Variants in CTBP2 observed in about 807,000 individuals in gnomAD.
CTBP2 encodes C-terminal binding protein 2.
In CTBP2, 30 loss-of-function variants were observed where a neutral mutation model predicts 80.3. That is an observed-to-expected ratio of 0.37 (90% CI 0.28 to 0.51). The LOEUF is 0.51. Among genes scored for constraint, CTBP2 ranks in the 20% least tolerant of loss-of-function variants. CTBP2 has a pLI of 0.93. For missense variants in CTBP2, 1,212 were observed against 1,375.3 expected (o/e 0.88, Z 1.88); for synonymous variants, 594 against 587.4 (o/e 1.01, Z -0.16).
chr10:125,035,397 C>T (rs1050174799), intron 3 of CTBP2, among the ~76,000 whole-genome samples: 2 of 152,204 alleles, frequency 1.3e-5, no homozygotes, highest in African/African-American at 4.8e-5. Flanking sequence ...CTCCCTGAGT[C>T]ATGTTACAAG....
At chr10:125,145,416 G>A (rs1858582527) in intron 1 of CTBP2, among the ~76,000 whole-genome samples, 1 of 152,116 alleles carries the variant, frequency 6.6e-6, no homozygotes, top group Admixed American at 6.5e-5. Context: ...CCTCTCTGGG[G>A]ACTGACTGAG....
At chr10:125,041,698 T>C (rs1959878930) in intron 2 of CTBP2, among the ~76,000 whole-genome samples, 1 of 152,194 alleles carries the variant, frequency 6.6e-6, no homozygotes, top group African/African-American at 2.4e-5. Context: ...CAGTTAATTT[T>C]TGTGAAGACC....
At chr10:125,158,712 G>A (rs1425251657) in intron 1 of CTBP2, 1 of 151,552 alleles carries the variant, frequency 6.6e-6, no homozygotes, top group African/African-American at 2.4e-5. Flanking sequence ...GCAGAGCGGG[G>A]ATTTCTACGA....
At chr10:125,043,419 C>T (rs1265959184) in intron 2 of CTBP2, among the ~76,000 whole-genome samples, 3 of 152,136 alleles carry the variant, frequency 2.0e-5, no homozygotes, top group South Asian at 2.1e-4. Context: ...TAGACCCTCT[C>T]GATTTCTTTT....
intron 2 of CTBP2, among the ~76,000 whole-genome samples, chr10:125,046,409 A>G (rs1402711887): frequency 6.6e-6 from 1 of 151,938 alleles, no homozygotes; most frequent in Non-Finnish European, 1.5e-5. Context: ...ATGGTGGTGC[A>G]CGCCTGTAAT....
intron 1 of CTBP2, chr10:125,006,080 T>A: frequency 8.4e-7 from 1 of 1,194,640 alleles, no homozygotes; most frequent in Non-Finnish European, 1.1e-6. Flanking sequence ...CCAGGTTGCC[T>A]AGCGATCGGC....
chr10:124,986,289 G>GCACACACACACACACACACA lies in CTBP2; in HGVS notation c.*3228_*3229insTGTGTGTGTGTGTGTGTGTG, dbSNP rs1348841236. 1.8e-4 allele frequency: 19 copies of GCACACACACACACACACACA among 108,358 alleles called. No homozygotes were observed. Among genetic ancestry groups the GCACACACACACACACACACA allele is most frequent in the African/African-American group, 6.5e-4 (18 of 27,546 alleles). The allele number at this position is 108,358 out of a possible 1,614,324, so 6.7% of individuals were successfully genotyped here. ...AAAGACGACACACGCACGCGCGCGC[G>GCACACACACACACACACACA]CGCACACACACACACACACACACAC... is the stretch of plus-strand genomic sequence containing the variant. On this transcript the variant is annotated 3_prime_UTR_variant, in exon 9 of 9. Coordinates refer to ENST00000309035, the MANE Select transcript of CTBP2 (RefSeq NM_022802.3).
At chr10:125,071,647 A>G (rs1384977374) in intron 2 of CTBP2, among the ~76,000 whole-genome samples, 2 of 152,198 alleles carry the variant, frequency 1.3e-5, no homozygotes. Flanking sequence ...GGTTTTGAAG[A>G]GCTTTTTTAG....
At chr10:125,103,148 T>C (rs1850901755) in intron 2 of CTBP2, among the ~76,000 whole-genome samples, 1 of 152,116 alleles carries the variant, frequency 6.6e-6, no homozygotes, top group African/African-American at 2.4e-5. Context: ...ACATGCTGGG[T>C]TGCCTTCTGT....
Position 125,000,838 on chromosome 10 carries a change from T to G in CTBP2, c.1978+2122A>C, listed in dbSNP as rs548152405. 2.0e-5 allele frequency: 3 copies of G among 152,394 alleles called. No homozygotes were observed. The East Asian group carries it at 5.8e-4, about 29-fold the overall frequency. 9.4% of individuals were successfully genotyped at this position (152,394 alleles called of 1,614,324 possible). ...CAGCACAAAAGGCCCGTTGACCGCATGATGTGGGGAATATGCATTCGGAGA... is the reference window on the plus strand; with the variant it reads ...CAGCACAAAAGGCCCGTTGACCGCAGGATGTGGGGAATATGCATTCGGAGA... On this transcript the variant is annotated intron_variant, in intron 3 of 8. Coordinates refer to ENST00000309035, the MANE Select transcript of CTBP2 (RefSeq NM_022802.3).
At chr10:125,011,146 C>G (rs1055147321) in intron 1 of CTBP2, among the ~76,000 whole-genome samples, 5 of 152,242 alleles carry the variant, frequency 3.3e-5, no homozygotes, top group Non-Finnish European at 7.3e-5. Context: ...GGGTGCCCCA[C>G]ACCAAGTGGG....
chr10:125,050,420 A>C (rs1204291026), intron 2 of CTBP2, among the ~76,000 whole-genome samples: 1 of 152,212 alleles, frequency 6.6e-6, no homozygotes, highest in Admixed American at 6.5e-5. Context: ...GCAGCTATTC[A>C]TTTTGCTTAA....
At chr10:125,076,502 C>T (rs1053515572) in intron 2 of CTBP2, among the ~76,000 whole-genome samples, 1 of 152,324 alleles carries the variant, frequency 6.6e-6, no homozygotes, top group South Asian at 2.1e-4. Context: ...CCCAGGAACT[C>T]GGCCACCTCC....
chr10:124,992,160 C>T (rs1344421055), intron 8 of CTBP2, among the ~76,000 whole-genome samples: 1 of 146,202 alleles, frequency 6.8e-6, no homozygotes, highest in Non-Finnish European at 1.5e-5. Flanking sequence ...GCTCACAGGC[C>T]TTTGCACTTG....
intron 2 of CTBP2, among the ~76,000 whole-genome samples, chr10:125,081,397 C>T (rs1847148932): frequency 6.6e-6 from 1 of 152,168 alleles, no homozygotes; most frequent in East Asian, 1.9e-4. Flanking sequence ...ATTTCCTGAC[C>T]TTGATACTTG....
At chr10:125,040,577 T>G (rs1340581471) in intron 2 of CTBP2, among the ~76,000 whole-genome samples, 1 of 143,986 alleles carries the variant, frequency 6.9e-6, no homozygotes, top group Non-Finnish European at 1.5e-5. Context: ...AGTCTTATTT[T>G]AAGACCACCA....
intron 2 of CTBP2, among the ~76,000 whole-genome samples, chr10:125,075,020 C>G (rs1049169936): frequency 6.6e-6 from 1 of 152,136 alleles, no homozygotes; most frequent in Non-Finnish European, 1.5e-5. Flanking sequence ...TAAAGTAAAC[C>G]AAACTTTTAA....
At chr10:125,053,183 AG>A (rs1963177635) in intron 2 of CTBP2, among the ~76,000 whole-genome samples, 1 of 152,192 alleles carries the variant, frequency 6.6e-6, no homozygotes. Flanking sequence ...CCCTCAGGGC[AG>A]GTGCAGCATT....
Position 125,069,946 on chromosome 10 carries a change from G to T in CTBP2, c.-101-30791C>A, listed in dbSNP as rs57698520. On this transcript the variant is annotated intron_variant, in intron 2 of 10. Coordinates refer to the CTBP2 transcript ENST00000337195. ...ATAGAAAGATAAAAAGTTACCCTAA[G>T]TAACTACAGACTTTGGATAACAATG... Among the ~76,000 whole-genome samples, 632 of 122,094 alleles carry T rather than the reference G, an allele frequency of 5.2e-3. 5 individuals carry two copies. The highest frequency in any genetic ancestry group is 0.019 in the African/African-American group (595 of 31,416). 80.1% of individuals were successfully genotyped at this position (122,094 alleles called of 152,430 possible).
Sources: gnomAD v4.1 joint callset for allele counts (sites outside exome capture counted in the v4.1 genomes callset) on GRCh38, gnomAD v4.1.1 for gene constraint, MANE v1.5 for transcripts, NCBI Gene and HGNC (gene_info 2026-07-23, HGNC 2026-07-21) for gene names.